The following SLC22A15 variants were observed in gnomAD, a reference collection of about 807,000 sequenced individuals.
The protein encoded by SLC22A15 is flipt 1.
SLC22A15 carries 45 observed loss-of-function variants against 62.7 expected under a neutral mutation model. The observed-to-expected ratio is 0.72, with a 90% CI of 0.56 to 0.92. The LOEUF (loss-of-function observed/expected upper bound fraction) is 0.92, where lower values mean the gene tolerates loss of function less well. SLC22A15 is among the 40% of genes least tolerant of loss of function. The pLI is 0.00. For missense variants in SLC22A15, 622 were observed against 665.6 expected (o/e 0.93, Z 0.72); for synonymous variants, 264 against 267.0 (o/e 0.99, Z 0.11).
intron 5 of SLC22A15, among the ~76,000 whole-genome samples, chr1:116,030,532 A>T (rs1312926389): frequency 6.6e-6 from 1 of 152,220 alleles, no homozygotes; most frequent in Admixed American, 6.5e-5. Flanking sequence ...AAGTCCTCTG[A>T]AAGTGTAGGT....
At chr1:116,064,747 G>A (rs1243364054) in intron 10 of SLC22A15, among the ~76,000 whole-genome samples, 1 of 152,120 alleles carries the variant, frequency 6.6e-6, no homozygotes, top group Non-Finnish European at 1.5e-5. Context: ...GCTAATGCCA[G>A]TGTGCCCCAT....
chr1:116,036,310 G>A (rs985104932), intron 7 of SLC22A15, among the ~76,000 whole-genome samples: 9 of 152,152 alleles, frequency 5.9e-5, no homozygotes, highest in East Asian at 3.9e-4. Flanking sequence ...TAAGGAAGCC[G>A]TCCATGGGGG....
At chr1:116,066,233 C>T (rs1265108014) in intron 10 of SLC22A15, among the ~76,000 whole-genome samples, 3 of 152,188 alleles carry the variant, frequency 2.0e-5, no homozygotes, top group Admixed American at 1.3e-4. Context: ...GGCAGCCTGG[C>T]CTCTTCTCCT....
intron 8 of SLC22A15, among the ~76,000 whole-genome samples, chr1:116,041,514 T>C (rs1328300227): frequency 3.9e-5 from 6 of 152,150 alleles, no homozygotes; most frequent in African/African-American, 1.2e-4. Context: ...ACAGACTGCA[T>C]AGGACAGGCA....
At chr1:116,031,689 G>C (rs1657406061) in intron 6 of SLC22A15, 108 bp downstream of exon 6, 3 of 1,502,464 alleles carry the variant, frequency 2.0e-6, no homozygotes, top group African/African-American at 2.8e-5. Context: ...TCTTTTGTTA[G>C]CTTGAGGTTG....
intron 8 of SLC22A15, among the ~76,000 whole-genome samples, chr1:116,039,401 C>T (rs1385337831): frequency 6.6e-6 from 1 of 151,860 alleles, no homozygotes; most frequent in Non-Finnish European, 1.5e-5. Flanking sequence ...GGCATGGTGG[C>T]GGGTGCCTGT....
At position 115,992,082 on chromosome 1, in the gene SLC22A15, T is replaced by C; in HGVS notation, c.139T>C (p.Ser47Pro). 3 of 1,613,952 alleles carry C rather than the reference T, an allele frequency of 1.9e-6. No individual in the cohort carries two copies. In the South Asian group the frequency reaches 3.3e-5, roughly 18 times the overall value. ...ILIALVGATP[S>P]YHWDLAELLP... The stretch of plus-strand genomic sequence containing the variant: ...CATTGCACTGGTTGGGGCCACGCCA[T>C]CCTACCACTGGGACCTGGCAGAGCT... Residue 47 changes from serine (S) to proline (P), a missense_variant, in exon 2 of 12, where the codon TCC (serine) becomes CCC (proline). By Grantham distance (74) the Ser-to-Pro change is moderately conservative. Transcript: ENST00000369503.
chr1:116,009,557 G>A (rs1482405847), intron 2 of SLC22A15, among the ~76,000 whole-genome samples: 1 of 152,184 alleles, frequency 6.6e-6, no homozygotes, highest in African/African-American at 2.4e-5. Flanking sequence ...TTTAGCCGGT[G>A]TTCTTGAGGA....
At chr1:116,064,305 A>G (rs1658447065) in intron 9 of SLC22A15, 131 bp from the exon 10 acceptor site, 4 of 665,350 alleles carry the variant, frequency 6.0e-6, no homozygotes, top group African/African-American at 5.5e-5. Context: ...AGGCAGCTCT[A>G]GAACCCACTG....
chr1:115,980,398 A>G (rs1654553371), intron 1 of SLC22A15, among the ~76,000 whole-genome samples: 1 of 152,198 alleles, frequency 6.6e-6, no homozygotes, highest in African/African-American at 2.4e-5. Flanking sequence ...TGTTTACTGC[A>G]ACACTGTCTA....
intron 10 of SLC22A15, among the ~76,000 whole-genome samples, chr1:116,064,944 C>T (rs548568989): frequency 4.6e-5 from 7 of 152,198 alleles, no homozygotes; most frequent in African/African-American, 1.7e-4. Context: ...AAATACCTTC[C>T]CCCAAGAACA....
intron 2 of SLC22A15, among the ~76,000 whole-genome samples, chr1:115,997,034 T>G (rs1214219333): frequency 6.6e-6 from 1 of 152,150 alleles, no homozygotes; most frequent in African/African-American, 2.4e-5. Context: ...GTGGACATCC[T>G]TGCCTTGATT....
At chr1:115,983,152 GGA>G (rs2101055282) in intron 1 of SLC22A15, among the ~76,000 whole-genome samples, 1 of 152,244 alleles carries the variant, frequency 6.6e-6, no homozygotes, top group South Asian at 2.1e-4. Context: ...TTTAACAAAG[GGA>G]ATGAGCTAGC....
intron 4 of SLC22A15, among the ~76,000 whole-genome samples, chr1:116,023,564 T>C (rs927443017): frequency 2.6e-5 from 4 of 152,214 alleles, no homozygotes; most frequent in African/African-American, 9.6e-5. Flanking sequence ...TTCTGCCATG[T>C]ACCAGACACT....
At chr1:116,000,111 T>C (rs1391949290) in intron 2 of SLC22A15, among the ~76,000 whole-genome samples, 2 of 152,214 alleles carry the variant, frequency 1.3e-5, no homozygotes, top group Non-Finnish European at 2.9e-5. Context: ...TCAATGTTAT[T>C]GTTGATAATT....
chr1:116,052,360 T>A (rs977746276), intron 8 of SLC22A15, among the ~76,000 whole-genome samples: 4 of 152,304 alleles, frequency 2.6e-5, no homozygotes, highest in Admixed American at 6.5e-5. Context: ...CGCCCGCCAT[T>A]GCCCAGGCTT....
intron 8 of SLC22A15, among the ~76,000 whole-genome samples, chr1:116,043,978 GAATTC>G (rs2101504972): frequency 6.6e-6 from 1 of 152,250 alleles, no homozygotes; most frequent in African/African-American, 2.4e-5. Flanking sequence ...CCCACAAAAA[GAATTC>G]TAGGCCCAGA....
chr1:116,008,542 C>T (rs553135064), intron 2 of SLC22A15, among the ~76,000 whole-genome samples: 18 of 152,294 alleles, frequency 1.2e-4, no homozygotes, highest in Admixed American at 1.0e-3. Flanking sequence ...ATGACTGCTG[C>T]TTCATTCCAG....
chr1:116,041,349 A>G (rs879174159), intron 8 of SLC22A15, among the ~76,000 whole-genome samples: 1 of 152,232 alleles, frequency 6.6e-6, no homozygotes, highest in Non-Finnish European at 1.5e-5. Context: ...AATAATAATA[A>G]AAATCAGTAC....
Sources: allele counts gnomAD v4.1 joint callset (sites outside exome capture counted in the v4.1 genomes callset), GRCh38; gene constraint gnomAD v4.1.1; transcripts MANE v1.5; gene names NCBI Gene and HGNC (gene_info 2026-07-23, HGNC 2026-07-21).